The following HMCN1 variants were observed in gnomAD, a reference collection of about 807,000 sequenced individuals.
HMCN1 encodes hemicentin 1.
In HMCN1, 321 loss-of-function variants were observed where a neutral mutation model predicts 625.9. The observed-to-expected ratio is 0.51, with a 90% confidence interval of 0.47 to 0.56. The LOEUF (loss-of-function observed/expected upper bound fraction) is 0.56. Ranked by LOEUF, HMCN1 falls within the 20% of genes least tolerant of loss-of-function variation. The pLI is 0.00. For missense variants in HMCN1, 6,588 were observed against 6,887.3 expected (o/e 0.96, Z 1.54); for synonymous variants, 2,425 against 2,417.6 (o/e 1.00, Z -0.09).
At chr1:186,060,265 G>A (rs2102303412) in intron 46 of HMCN1, among the ~76,000 whole-genome samples, 1 of 152,114 alleles carries the variant, frequency 6.6e-6, no homozygotes, top group East Asian at 1.9e-4. Flanking sequence ...CCAGACCCAG[G>A]TGAACATTTA....
chr1:185,877,321 C>CTTTTTTTTTTTTT (rs71557837), intron 4 of HMCN1, among the ~76,000 whole-genome samples: 9 of 34,912 alleles, frequency 2.6e-4, no homozygotes, highest in African/African-American at 5.1e-4. Context: ...ATGTGTCTTT[C>CTTTTTTTTTTTTT]TTTTTTTTTT....
chr1:185,782,617 G>T (rs930353744), intron 1 of HMCN1, among the ~76,000 whole-genome samples: 1 of 152,132 alleles, frequency 6.6e-6, no homozygotes, highest in Non-Finnish European at 1.5e-5. Flanking sequence ...GCTTAGTTTG[G>T]CTGGATATGA....
chr1:185,782,968 T>C lies in HMCN1; in HGVS notation c.268+47921T>C, dbSNP rs1197434772. Among the ~76,000 whole-genome samples the C allele has an allele frequency of 3.3e-5, 5 of 152,304 alleles. No homozygotes were observed. The East Asian group carries it at 7.7e-4, about 24-fold the overall frequency. On this transcript the variant is annotated intron_variant, in intron 1 of 106. Coordinates refer to ENST00000271588, the MANE Select transcript of HMCN1 (RefSeq NM_031935.3). ...TCCAACTTGGTTCCATTCTCCCCAT[T>C]GCTTTCAGGTACACCAATCAGACGC... is the stretch of plus-strand genomic sequence containing the variant.
At chr1:186,048,946 A>C in intron 42 of HMCN1, 107 bp downstream of exon 42, 1 of 721,656 alleles carries the variant, frequency 1.4e-6, no homozygotes, top group Non-Finnish European at 2.5e-6. Context: ...AGGTAGATGA[A>C]CAACAATTAG....
rs775114732 is a variant in HMCN1, at chr1:186,182,181, T to C, written c.16308T>C (p.Cys5436=). The change falls in exon 105 of 107, where the codon TGT becomes TGC. Residue 5436 remains cysteine (C), a synonymous_variant. Coordinates refer to ENST00000271588, the MANE Select transcript of HMCN1 (RefSeq NM_031935.3). ...CTTCCTGAACAGATATTGATGAATGTGAAAATACAGATGCCTGCCAGCATG... is the reference window on the plus strand; with the variant it reads ...CTTCCTGAACAGATATTGATGAATGCGAAAATACAGATGCCTGCCAGCATG... ...SHDTCVDIDE[C]ENTDACQHEC... 2.5e-6 allele frequency: 4 copies of C among 1,613,264 alleles called. No individual in the cohort carries two copies. Among genetic ancestry groups the C allele is most frequent in the East Asian group, 4.5e-5 (2 of 44,858 alleles).
At chr1:185,971,582 G>GT (rs755069962) in intron 15 of HMCN1, among the ~76,000 whole-genome samples, 1 of 151,844 alleles carries the variant, frequency 6.6e-6, no homozygotes, top group Non-Finnish European at 1.5e-5. Flanking sequence ...ATGCCAGACT[G>GT]TTTTTTTTAA....
At position 186,086,330 on chromosome 1, in the gene HMCN1, G is replaced by T; in HGVS notation, c.8969G>T (p.Gly2990Val). 3 of 1,613,278 alleles carry T rather than the reference G, an allele frequency of 1.9e-6. No homozygotes were observed. The highest frequency in any genetic ancestry group is 1.3e-5 in the African/African-American group (1 of 74,946). ...ATCTCTTTGACCTGTGAGGTCTCTG[G>T]TTTTCCACCTCCTGACCTCAGCTGG... ...NFISLTCEVS[G>V]FPPPDLSWLK... is the part of the protein sequence containing the mutation. Residue 2990 changes from glycine to valine, a missense_variant, in exon 58 of 107, where the codon GGT (glycine) becomes GTT (valine). Around this residue, in one of 3 missense-constraint regions of HMCN1, gnomAD observed 4,628 missense variants for 4,853.1 expected, o/e 0.95. Transcript: ENST00000271588.
intron 1 of HMCN1, among the ~76,000 whole-genome samples, chr1:185,792,108 A>G (rs1350508128): frequency 6.6e-6 from 1 of 152,238 alleles, no homozygotes; most frequent in Non-Finnish European, 1.5e-5. Flanking sequence ...ACTATAACAA[A>G]TATTCAAAAG....
At chr1:186,065,454 C>G (rs760921584) in intron 49 of HMCN1, 25 bp downstream of exon 49, 1 of 1,517,526 alleles carries the variant, frequency 6.6e-7, no homozygotes, top group Non-Finnish European at 8.8e-7. Flanking sequence ...TTCTTCATAT[C>G]TTAAAGAATC....
rs559620622 is a variant in HMCN1 at position 185,879,359 on chromosome 1, A to AG, written c.621+13501dup. On this transcript the variant is annotated intron_variant, in intron 4 of 106. Coordinates refer to ENST00000271588, the MANE Select transcript of HMCN1 (RefSeq NM_031935.3). Reference sequence around the variant, plus strand: ...CTAATTTTTGATTTTTTTTGTAGAGAGGGGGTCTTTCTATGTTGCCCAGGC... The same window carrying AG: ...CTAATTTTTGATTTTTTTTGTAGAGAGGGGGGTCTTTCTATGTTGCCCAGGC... Among the ~76,000 whole-genome samples the AG allele has an allele frequency of 2.0e-3, 311 of 151,936 alleles. 2 individuals are homozygous for AG. The highest frequency in any genetic ancestry group is 7.2e-3 in the African/African-American group (299 of 41,406).
chr1:186,095,472 C>T lies in HMCN1; in HGVS notation c.10524C>T (p.Ala3508=). 6.2e-7 allele frequency: 1 copy of T among 1,613,624 alleles called. No individual in the cohort carries two copies. The highest frequency in any genetic ancestry group is 8.5e-7 in the Non-Finnish European group (1 of 1,179,732). ...ATTCGGGAAAGTACACCTGCATTGC[C>T]TCAAATGAAGCTGGAGAAGTCAGCA... The part of the protein sequence containing the change: ...TEDSGKYTCI[A]SNEAGEVSKH... The change falls in exon 68 of 107, where the codon GCC becomes GCT. Residue 3508 remains alanine, a synonymous_variant. Transcript: ENST00000271588.
intron 1 of HMCN1, among the ~76,000 whole-genome samples, chr1:185,736,414 A>G (rs897059199): frequency 4.6e-5 from 7 of 152,144 alleles, no homozygotes; most frequent in African/African-American, 7.2e-5. Context: ...TGTGATTTTC[A>G]ATGTATTAAA....
At position 186,089,559 on chromosome 1, in the gene HMCN1, A is replaced by G. The variant is rs967142514; in HGVS notation, c.9727+804A>G. 4.1e-5 allele frequency among the ~76,000 whole-genome samples: 6 copies of G among 148,130 alleles called. No homozygotes were observed. The East Asian group carries it at 1.2e-3, about 29-fold the overall frequency. ...GATGCTTTGGGATTTCAGAAGCTGA[A>G]GGAAAAACAGCTAGTCAGAGATTCA... On this transcript the variant is annotated intron_variant, in intron 63 of 106. Transcript: ENST00000271588.
At chr1:186,184,432 ACT>A (rs1274357566) in intron 105 of HMCN1, among the ~76,000 whole-genome samples, 4 of 152,194 alleles carry the variant, frequency 2.6e-5, no homozygotes, top group Non-Finnish European at 5.9e-5. Flanking sequence ...AAGGACAGAC[ACT>A]CTAGTCAAAA....
chr1:185,918,013 A>G (rs1051999998), intron 6 of HMCN1, among the ~76,000 whole-genome samples: 3 of 152,302 alleles, frequency 2.0e-5, no homozygotes, highest in East Asian at 3.9e-4. Flanking sequence ...TAGGATACCA[A>G]TATATTATCT....
chr1:185,886,316 G>T (rs1664647812), intron 4 of HMCN1, among the ~76,000 whole-genome samples: 2 of 152,096 alleles, frequency 1.3e-5, no homozygotes, highest in African/African-American at 4.8e-5. Context: ...TAATAGTCAT[G>T]TATAATTTAA....
At position 185,744,208 on chromosome 1, in the gene HMCN1, A is replaced by T. The variant is rs182737821; in HGVS notation, c.268+9161A>T. 1.9e-3 allele frequency among the ~76,000 whole-genome samples: 294 copies of T among 151,302 alleles called. 1 individual carries two copies. In the Middle Eastern group the frequency reaches 0.027, roughly 14 times the overall value. On this transcript the variant is annotated intron_variant, in intron 1 of 106. Transcript: ENST00000271588. ...ACGGGGTTGCACCGTGTTCGCCAGG[A>T]TGGTCTCAATCTCCTGACCTTGTGA...
chr1:186,171,220 T>C, intron 100 of HMCN1, 117 bp from the exon 101 acceptor site: 1 of 759,248 alleles, frequency 1.3e-6, no homozygotes, highest in Non-Finnish European at 2.3e-6. Flanking sequence ...ATATATTGGA[T>C]AGGTTTTAGA....
At chr1:185,979,463 A>G (rs73062478) in intron 16 of HMCN1, among the ~76,000 whole-genome samples, 7,897 of 152,258 alleles carry the variant, frequency 0.052, 315 homozygotes, top group East Asian at 0.21. Flanking sequence ...AGAATAAAAG[A>G]GCTCAATATC....
Sources: gnomAD v4.1 joint callset for allele counts (sites outside exome capture counted in the v4.1 genomes callset) on GRCh38, gnomAD v4.1.1 for gene constraint, gnomAD v4.1.1 regional missense constraint, MANE v1.5 for transcripts, NCBI Gene and HGNC (gene_info 2026-07-23, HGNC 2026-07-21) for gene names.